Variants in CTNND1 observed in about 807,000 individuals in gnomAD.
CTNND1 encodes catenin delta-1.
CTNND1 carries 16 observed loss-of-function variants against 112.1 expected under a neutral mutation model. The ratio of observed to expected loss-of-function variants is 0.14; its 90% CI spans 0.10 to 0.22. The LOEUF (loss-of-function observed/expected upper bound fraction) is 0.22, where lower values mean the gene tolerates loss of function less well. Ranked by LOEUF, CTNND1 falls within the 10% of genes least tolerant of loss-of-function variation. The probability of loss-of-function intolerance (pLI) is 1.00; values close to 1 mark genes in which losing one functional copy is unlikely to be tolerated. For missense variants in CTNND1, 1,008 were observed against 1,257.0 expected (o/e 0.80, Z 3.00); for synonymous variants, 420 against 446.5 (o/e 0.94, Z 0.75).
At chr11:57,789,354 A>T (rs2060452004) in intron 2 of CTNND1, among the ~76,000 whole-genome samples, 199 bp downstream of exon 2, 1 of 152,196 alleles carries the variant, frequency 6.6e-6, no homozygotes, top group South Asian at 2.1e-4. Context: ...GACTGGCATA[A>T]AGTCTTTCAT....
chr11:57,771,989 T>C (rs1189266456), intron 1 of CTNND1, among the ~76,000 whole-genome samples: 1 of 151,916 alleles, frequency 6.6e-6, no homozygotes, highest in South Asian at 2.1e-4. Flanking sequence ...GTTAACAATC[T>C]CAGCTCAGTG....
rs1170126299 is a variant in CTNND1, at chr11:57,815,967, A to G, written c.2861A>G (p.Asp954Gly). The G allele has an allele frequency of 1.2e-6, 2 of 1,600,438 alleles. No homozygotes were observed. The highest frequency in any genetic ancestry group is 1.1e-5 in the South Asian group (1 of 88,128). Residue 954 changes from aspartate (D) to glycine (G), a missense_variant, in exon 20 of 21, where the codon GAT becomes GGT. By Grantham distance (94) the Asp-to-Gly change is moderately conservative (BLOSUM62 -1). Transcript: ENST00000399050. ...GAAGAGTTGGATGTGTTGGTTTTGG[A>G]TGATGAGGGGGGCCAAGTGTCTTAC... ...LEEELDVLVL[D>G]DEGGQVSYPS...
chr11:57,796,313 G>T (rs963350111), intron 5 of CTNND1, 144 bp from the exon 6 acceptor site: 24 of 716,634 alleles, frequency 3.3e-5, no homozygotes, highest in Admixed American at 6.0e-5. Flanking sequence ...GTGAACCTGG[G>T]AGGCAGAGGT....
intron 3 of CTNND1, 22 bp from the exon 4 acceptor site, chr11:57,793,988 C>A: frequency 6.2e-7 from 1 of 1,613,248 alleles, no homozygotes; most frequent in South Asian, 1.1e-5. Flanking sequence ...AATGAATTGT[C>A]TTCTTGTGGG....
intron 2 of CTNND1, 66 bp downstream of exon 2, chr11:57,789,221 TC>T (rs1165350991): frequency 1.8e-6 from 2 of 1,131,532 alleles, no homozygotes; most frequent in East Asian, 2.7e-5. Context: ...GTATTTTTAT[TC>T]CTTTCATGTC....
intron 20 of CTNND1, 28 bp from the exon 21 acceptor site, chr11:57,816,269 A>G (rs1278979582): frequency 6.2e-7 from 1 of 1,613,330 alleles, no homozygotes; most frequent in Non-Finnish European, 8.5e-7. Context: ...CCCCATTAAC[A>G]TTCTCTCTTT....
chr11:57,809,497 A>G, intron 15 of CTNND1, 31 bp downstream of exon 15: 1 of 1,570,126 alleles, frequency 6.4e-7, no homozygotes, highest in Admixed American at 1.9e-5. Context: ...TACAGTCAAA[A>G]GAATTTGAGT....
chr11:57,816,343 A>C lies in CTNND1; in HGVS notation c.*35A>C, dbSNP rs1490132091. The C allele has an allele frequency of 8.6e-5, 138 of 1,612,124 alleles. No homozygotes were observed. Among genetic ancestry groups the C allele is most frequent in the Non-Finnish European group, 1.2e-4 (137 of 1,178,792 alleles). On this transcript the variant is annotated 3_prime_UTR_variant, in exon 21 of 21. Transcript: ENST00000399050. ...CTCCGTTCCATCTGGGCTTATATGT[A>C]CTTTTATTTTTTGGTGGTGAAATTG...
intron 14 of CTNND1, 134 bp downstream of exon 14, chr11:57,808,674 G>A: frequency 1.3e-6 from 1 of 799,542 alleles, no homozygotes; most frequent in Non-Finnish European, 1.8e-6. Flanking sequence ...GTTTATGAAT[G>A]CGAGAGTTGG....
chr11:57,793,420 G>A (rs1205748936), intron 3 of CTNND1, among the ~76,000 whole-genome samples: 1 of 152,148 alleles, frequency 6.6e-6, no homozygotes, highest in Non-Finnish European at 1.5e-5. Flanking sequence ...TACTTGGAAA[G>A]GGAGACTCGT....
intron 9 of CTNND1, 51 bp from the exon 10 acceptor site, chr11:57,805,831 G>A (rs1424424485): frequency 6.3e-7 from 1 of 1,581,970 alleles, no homozygotes; most frequent in Non-Finnish European, 8.6e-7. Flanking sequence ...TACTTGTGGA[G>A]AAATCACAAT....
rs1196884704 is a variant in CTNND1, at chr11:57,795,603, C to T, written c.294C>T (p.Thr98=). 3 of 1,611,560 alleles carry T rather than the reference C, an allele frequency of 1.9e-6. No homozygotes were observed. The highest frequency in any genetic ancestry group is 1.7e-5 in the Admixed American group (1 of 59,534). ...ATCACAGTCACCTTCTATATAGCAC[C>T]ATCCCCAGGATGCAGGAGCCGGGGC... is the stretch of plus-strand genomic sequence containing the variant. ...PQDHSHLLYS[T]IPRMQEPGQI... is the part of the protein sequence containing the mutation. The change falls in exon 5 of 21, where the codon ACC becomes ACT. Residue 98 remains threonine (T), a synonymous_variant. Coordinates refer to ENST00000399050, the MANE Select transcript of CTNND1 (RefSeq NM_001085458.2).
intron 1 of CTNND1, among the ~76,000 whole-genome samples, chr11:57,766,918 C>T (rs1951207540): frequency 6.6e-6 from 1 of 151,212 alleles, no homozygotes; most frequent in South Asian, 2.1e-4. Flanking sequence ...GTGGTGTGGA[C>T]AATTTAGATC....
chr11:57,807,481 C>T (rs1565366923), intron 12 of CTNND1, among the ~76,000 whole-genome samples: 1 of 151,810 alleles, frequency 6.6e-6, no homozygotes, highest in Non-Finnish European at 1.5e-5. Flanking sequence ...TGGTGGGTGC[C>T]TGTAATCCCA....
In CTNND1 at chr11:57,806,462, T is replaced by C; in HGVS notation, c.1878T>C (p.Asp626=). ...CTACCTTGGGTGATGCACTGGAAGA[T>C]GAGTGGTTCTCCAGAGGTGAGTGGA... The part of the protein sequence containing the change: ...ASCFGAKKGK[D]EWFSRGKKPI... Residue 626 remains aspartate, a splice_region_variant and synonymous_variant, in exon 11 of 21, where the codon GAT becomes GAC. Coordinates refer to ENST00000399050, the MANE Select transcript of CTNND1 (RefSeq NM_001085458.2). 2 of 1,603,236 alleles carry C rather than the reference T, an allele frequency of 1.2e-6. No individual in the cohort carries two copies. The highest frequency in any genetic ancestry group is 1.7e-6 in the Non-Finnish European group (2 of 1,174,066).
Position 57,808,554 on chromosome 11 carries a change from T to C in CTNND1, c.2242+14T>C. 3.8e-6 allele frequency: 6 copies of C among 1,569,758 alleles called. No homozygotes were observed. The South Asian group carries it at 6.0e-5, about 16-fold the overall frequency. Reference sequence around the variant, plus strand: ...AAGAATTAATTGGTGAGGAGTTGAATGCTAACTGTTACCTCAAAATTTAGT... The same window carrying C: ...AAGAATTAATTGGTGAGGAGTTGAACGCTAACTGTTACCTCAAAATTTAGT... On this transcript the variant is annotated intron_variant, in intron 14 of 20. Coordinates refer to ENST00000399050, the MANE Select transcript of CTNND1 (RefSeq NM_001085458.2).
intron 15 of CTNND1, among the ~76,000 whole-genome samples, 168 bp from the exon 16 acceptor site, chr11:57,809,941 C>T (rs1367589375): frequency 1.3e-5 from 2 of 152,146 alleles, no homozygotes; most frequent in Admixed American, 1.3e-4. Flanking sequence ...CATCTCCTGA[C>T]CTCAGGTGAT....
intron 2 of CTNND1, among the ~76,000 whole-genome samples, chr11:57,789,947 T>C (rs954814315): frequency 6.6e-6 from 1 of 152,198 alleles, no homozygotes; most frequent in Non-Finnish European, 1.5e-5. Flanking sequence ...AAGACAGTGC[T>C]TTTTTACATG....
chr11:57,771,371 A>T (rs2136063813), intron 1 of CTNND1, among the ~76,000 whole-genome samples: 1 of 152,326 alleles, frequency 6.6e-6, no homozygotes, highest in Admixed American at 6.5e-5. Context: ...AAAGTAAAGT[A>T]GAATGAGTAG....
Sources: allele counts gnomAD v4.1 joint callset (sites outside exome capture counted in the v4.1 genomes callset), GRCh38; gene constraint gnomAD v4.1.1; transcripts MANE v1.5; gene names NCBI Gene and HGNC (gene_info 2026-07-23, HGNC 2026-07-21).